Variants in CACNA2D1 observed in about 807,000 individuals in gnomAD.
CACNA2D1 encodes the protein voltage-dependent calcium channel subunit alpha-2/delta-1.
CACNA2D1 carries 53 observed loss-of-function variants against 171.5 expected under a neutral mutation model. The observed-to-expected ratio is 0.31, with a 90% confidence interval of 0.25 to 0.39. CACNA2D1 has a LOEUF of 0.39. CACNA2D1 is among the 10% of genes least tolerant of loss of function. The pLI is 1.00. For synonymous variants in CACNA2D1, 442 were observed against 443.1 expected, an observed-to-expected ratio of 1.00 and a Z score of 0.03; for missense variants, 903 against 1,299.8, an observed-to-expected ratio of 0.69 and a Z score of 4.69.
At chr7:82,330,132 T>G (rs73164295) in intron 3 of CACNA2D1, among the ~76,000 whole-genome samples, 12,686 of 152,082 alleles carry the variant, frequency 0.083, 633 homozygotes, top group African/African-American at 0.13. Context: ...TGATATCGTT[T>G]TATCTTTCAG....
In CACNA2D1 at chr7:81,962,441, T is replaced by C. The variant is rs748988843; in HGVS notation, c.2835A>G (p.Ala945=). 2 of 1,604,134 alleles carry C rather than the reference T, an allele frequency of 1.2e-6. No individual in the cohort carries two copies. The highest frequency in any genetic ancestry group is 2.2e-5 in the East Asian group (1 of 44,612). The change falls in exon 35 of 39, where the codon GCA becomes GCG. Residue 945 remains alanine (A), a splice_region_variant and synonymous_variant. Transcript: ENST00000356860. ...LSLTFPRLLE[A]VEMEDDDFTA... ...GACAAGGTCTGAGCATTTACATACC[T>C]GCCTCAAGGAGTCGTGGAAAGGTCA...
At chr7:82,224,673 T>C (rs1218875087) in intron 3 of CACNA2D1, among the ~76,000 whole-genome samples, 1 of 152,228 alleles carries the variant, frequency 6.6e-6, no homozygotes, top group Non-Finnish European at 1.5e-5. Context: ...TGTAGCTCCC[T>C]GTCTTAACAG....
chr7:82,408,375 C>T (rs189494859), intron 1 of CACNA2D1, among the ~76,000 whole-genome samples: 92 of 152,174 alleles, frequency 6.0e-4, no homozygotes, highest in Non-Finnish European at 1.1e-3. Context: ...CAAGGCAGCA[C>T]AGCAGAGTGA....
intron 3 of CACNA2D1, among the ~76,000 whole-genome samples, chr7:82,246,177 C>A (rs1018016359): frequency 6.6e-6 from 1 of 151,118 alleles, no homozygotes; most frequent in African/African-American, 2.4e-5. Flanking sequence ...CTCTATAGCC[C>A]GCTCAGTTAA....
At chr7:82,050,046 G>A (rs1254104889) in intron 10 of CACNA2D1, among the ~76,000 whole-genome samples, 1 of 152,180 alleles carries the variant, frequency 6.6e-6, no homozygotes, top group Non-Finnish European at 1.5e-5. Context: ...GAGTAGCGAA[G>A]TTCCTTATCT....
chr7:82,199,152 A>G (rs1799158311), intron 3 of CACNA2D1, among the ~76,000 whole-genome samples: 1 of 152,080 alleles, frequency 6.6e-6, no homozygotes, highest in South Asian at 2.1e-4. Context: ...TTATTTTCAC[A>G]TATTTACTTT....
intron 1 of CACNA2D1, among the ~76,000 whole-genome samples, chr7:82,410,200 A>T (rs1199398541): frequency 1.3e-5 from 2 of 152,216 alleles, no homozygotes; most frequent in East Asian, 3.9e-4. Context: ...TTTCTTCAGA[A>T]ACATAAACAC....
chr7:82,321,848 C>T (rs796934127), intron 3 of CACNA2D1, among the ~76,000 whole-genome samples: 3 of 152,116 alleles, frequency 2.0e-5, no homozygotes, highest in African/African-American at 2.4e-5. Context: ...GCTAAGTGGC[C>T]GGGCGCGGTG....
chr7:82,205,618 C>A (rs1467662208), intron 3 of CACNA2D1, among the ~76,000 whole-genome samples: 2 of 152,054 alleles, frequency 1.3e-5, no homozygotes, highest in Non-Finnish European at 2.9e-5. Context: ...TGGTTACAAT[C>A]CAAATAGTCT....
chr7:82,316,400 A>T (rs559345520), intron 3 of CACNA2D1, among the ~76,000 whole-genome samples: 2 of 152,200 alleles, frequency 1.3e-5, no homozygotes, highest in African/African-American at 2.4e-5. Context: ...AATTTTTTTT[A>T]AAAATCAAAT....
At chr7:82,165,157 C>G (rs1795307639) in intron 4 of CACNA2D1, among the ~76,000 whole-genome samples, 3 of 151,950 alleles carry the variant, frequency 2.0e-5, no homozygotes, top group Admixed American at 2.0e-4. Context: ...ATATAGAGAA[C>G]CACCTTCTAC....
intron 1 of CACNA2D1, among the ~76,000 whole-genome samples, chr7:82,418,492 T>A (rs937590302): frequency 6.6e-6 from 1 of 152,138 alleles, no homozygotes; most frequent in Non-Finnish European, 1.5e-5. Flanking sequence ...TACTTTTTGA[T>A]AGAATAAAGC....
chr7:82,080,979 C>T (rs1809683992), intron 7 of CACNA2D1, among the ~76,000 whole-genome samples: 1 of 152,088 alleles, frequency 6.6e-6, no homozygotes, highest in African/African-American at 2.4e-5. Context: ...TCACAATAAC[C>T]CCCAGGGGAT....
intron 4 of CACNA2D1, among the ~76,000 whole-genome samples, chr7:82,160,068 G>A (rs933260662): frequency 2.6e-5 from 4 of 151,552 alleles, no homozygotes; most frequent in Admixed American, 6.6e-5. Flanking sequence ...TGTATCATTC[G>A]GAAACCAGTG....
At chr7:81,985,265 G>A (rs1220991772) in intron 21 of CACNA2D1, among the ~76,000 whole-genome samples, 2 of 131,858 alleles carry the variant, frequency 1.5e-5, no homozygotes, top group Non-Finnish European at 3.1e-5. Flanking sequence ...CAGTGGTTTC[G>A]ATCATGGCTC....
At chr7:82,086,251 C>A (rs1259150545) in intron 6 of CACNA2D1, among the ~76,000 whole-genome samples, 1 of 152,036 alleles carries the variant, frequency 6.6e-6, no homozygotes, top group Non-Finnish European at 1.5e-5. Context: ...AGATGCACGG[C>A]CTATGTGTTT....
At chr7:82,239,973 A>T in intron 3 of CACNA2D1, among the ~76,000 whole-genome samples, 1 of 152,330 alleles carries the variant, frequency 6.6e-6, no homozygotes, top group African/African-American at 2.4e-5. Context: ...TTAGGACATT[A>T]AGTATAAAGA....
At chr7:82,306,087 C>A (rs1001616920) in intron 3 of CACNA2D1, among the ~76,000 whole-genome samples, 1 of 152,162 alleles carries the variant, frequency 6.6e-6, no homozygotes, top group African/African-American at 2.4e-5. Context: ...TTGTCTGATC[C>A]TTTTCCTCCC....
At chr7:82,075,766 CTTT>C (rs1438182834) in intron 7 of CACNA2D1, among the ~76,000 whole-genome samples, 1 of 151,972 alleles carries the variant, frequency 6.6e-6, no homozygotes, top group Non-Finnish European at 1.5e-5. Flanking sequence ...ACAAAAAAAT[CTTT>C]TTAATTTTTC....
Sources: gnomAD v4.1 joint callset for allele counts (sites outside exome capture counted in the v4.1 genomes callset) on GRCh38, gnomAD v4.1.1 for gene constraint, MANE v1.5 for transcripts, NCBI Gene and HGNC (gene_info 2026-07-23, HGNC 2026-07-21) for gene names.